GRM8: variants seen among roughly 807,000 people sequenced by gnomAD.
The protein encoded by GRM8 is metabotropic glutamate receptor 8.
In GRM8, 47 loss-of-function variants were observed where a neutral mutation model predicts 87.2. The observed-to-expected ratio is 0.54, with a 90% CI of 0.43 to 0.69. The LOEUF is 0.69. Among genes scored for constraint, GRM8 ranks in the 30% least tolerant of loss-of-function variants. GRM8 has a pLI of 0.00. For missense variants in GRM8, 1,019 were observed against 1,139.2 expected (o/e 0.89, Z 1.52); for synonymous variants, 396 against 404.5 (o/e 0.98, Z 0.25).
intron 7 of GRM8, among the ~76,000 whole-genome samples, chr7:126,667,852 T>C (rs753671239): frequency 9.2e-5 from 14 of 152,190 alleles, no homozygotes; most frequent in Non-Finnish European, 4.4e-5. Flanking sequence ...AGACCAGCAG[T>C]AGCCTCACCA....
At chr7:126,748,922 A>C (rs1015555006) in intron 7 of GRM8, among the ~76,000 whole-genome samples, 1 of 152,096 alleles carries the variant, frequency 6.6e-6, no homozygotes, top group Admixed American at 6.6e-5. Flanking sequence ...TAGAACAATT[A>C]ATATTGATAT....
At chr7:126,638,571 G>C (rs1052849978) in intron 7 of GRM8, among the ~76,000 whole-genome samples, 3 of 152,140 alleles carry the variant, frequency 2.0e-5, no homozygotes, top group Non-Finnish European at 4.4e-5. Context: ...GGGGATGCTG[G>C]GTGGACATGT....
Position 126,446,391 on chromosome 7 carries a change from A to G in GRM8, c.2431-19T>C, listed in dbSNP as rs1299821377. ...TGTACATCTGAGGGAAGAAAAAAAA[A>G]AGAATCACTGTTGGTAAGCCTAACA... On this transcript the variant is annotated intron_variant, in intron 9 of 10. Transcript: ENST00000339582. 6.5e-7 allele frequency: 1 copy of G among 1,548,540 alleles called. No individual in the cohort carries two copies. Among genetic ancestry groups the G allele is most frequent in the Middle Eastern group, 1.9e-4 (1 of 5,300 alleles).
chr7:126,693,100 T>C (rs1258459166), intron 7 of GRM8, among the ~76,000 whole-genome samples: 1 of 152,176 alleles, frequency 6.6e-6, no homozygotes, highest in African/African-American at 2.4e-5. Flanking sequence ...TAACTGGATA[T>C]GTCACCTCCT....
intron 2 of GRM8, among the ~76,000 whole-genome samples, chr7:127,160,992 G>C (rs932288039): frequency 2.0e-5 from 3 of 152,200 alleles, no homozygotes; most frequent in African/African-American, 7.2e-5. Flanking sequence ...GAGAAAGACA[G>C]TCAAGGACGA....
At chr7:127,078,709 T>C (rs1246219687) in intron 3 of GRM8, among the ~76,000 whole-genome samples, 1 of 152,208 alleles carries the variant, frequency 6.6e-6, no homozygotes, top group African/African-American at 2.4e-5. Flanking sequence ...CAGCTTTCAA[T>C]TTGCATTGCA....
chr7:126,528,507 C>T lies in GRM8; in HGVS notation c.2430+4445G>A, dbSNP rs1239247580. 2.6e-5 allele frequency among the ~76,000 whole-genome samples: 4 copies of T among 152,068 alleles called. No individual in the cohort carries two copies. In the East Asian group the frequency reaches 7.7e-4, roughly 29 times the overall value. ...GATGATAGCCAACATTTATTCACTG[C>T]CTATTATGTGCATGAAACACTTTTC... On this transcript the variant is annotated intron_variant, in intron 9 of 10. Coordinates refer to ENST00000339582, the MANE Select transcript of GRM8 (RefSeq NM_000845.3).
At position 126,875,290 on chromosome 7, in the gene GRM8, AC is replaced by A. The variant is rs200636324; in HGVS notation, c.1156+27251del. On this transcript the variant is annotated intron_variant, in intron 6 of 10. Coordinates refer to ENST00000339582, the MANE Select transcript of GRM8 (RefSeq NM_000845.3). Reference sequence around the variant, plus strand: ...AGTAATCAAAGAAGGAAAAAAAAAAACAAACAGAATAAACTGTTAAAGGGCC... The same window carrying A: ...AGTAATCAAAGAAGGAAAAAAAAAAAAAACAGAATAAACTGTTAAAGGGCC... Among the ~76,000 whole-genome samples, 416 of 152,040 alleles carry A rather than the reference AC, an allele frequency of 2.7e-3. 2 individuals carry two copies. Among genetic ancestry groups the A allele is most frequent in the African/African-American group, 9.0e-3 (372 of 41,444 alleles).
At chr7:126,887,030 G>A (rs1450077057) in intron 6 of GRM8, among the ~76,000 whole-genome samples, 1 of 152,070 alleles carries the variant, frequency 6.6e-6, no homozygotes, top group Non-Finnish European at 1.5e-5. Flanking sequence ...ATAAGGGCCA[G>A]GTGGACTAAG....
chr7:126,995,669 G>C (rs1274137367), intron 3 of GRM8, among the ~76,000 whole-genome samples: 2 of 151,880 alleles, frequency 1.3e-5, no homozygotes, highest in African/African-American at 4.8e-5. Flanking sequence ...TGTCAAAGGA[G>C]ACAAAATAAA....
chr7:126,464,235 T>G (rs1028332751), intron 9 of GRM8, among the ~76,000 whole-genome samples: 2 of 151,678 alleles, frequency 1.3e-5, no homozygotes, highest in African/African-American at 4.8e-5. Flanking sequence ...AGTTTTTGTC[T>G]TGAAATCTAT....
At chr7:127,079,691 C>T (rs927626345) in intron 3 of GRM8, among the ~76,000 whole-genome samples, 4 of 152,140 alleles carry the variant, frequency 2.6e-5, no homozygotes, top group African/African-American at 9.6e-5. Context: ...CCCCTTTTTT[C>T]TTCCTCAGGG....
chr7:126,657,045 T>C (rs1804606896), intron 7 of GRM8, among the ~76,000 whole-genome samples: 1 of 152,230 alleles, frequency 6.6e-6, no homozygotes, highest in Non-Finnish European at 1.5e-5. Flanking sequence ...AGTGCTACAA[T>C]GGTTTCTATT....
chr7:127,110,845 C>T (rs1333450066), intron 2 of GRM8, among the ~76,000 whole-genome samples: 2 of 152,248 alleles, frequency 1.3e-5, no homozygotes, highest in African/African-American at 4.8e-5. Flanking sequence ...CAGAGTTCTA[C>T]GTTTATTGGG....
At chr7:126,621,569 C>A (rs1800179034) in intron 7 of GRM8, among the ~76,000 whole-genome samples, 1 of 151,968 alleles carries the variant, frequency 6.6e-6, no homozygotes, top group Admixed American at 6.6e-5. Context: ...CAGGCATGTG[C>A]CACCATGCCT....
At chr7:126,592,709 G>T (rs2151047648) in intron 8 of GRM8, among the ~76,000 whole-genome samples, 1 of 151,882 alleles carries the variant, frequency 6.6e-6, no homozygotes, top group Non-Finnish European at 1.5e-5. Flanking sequence ...AACTCACTGG[G>T]GAAAAGTTGG....
intron 3 of GRM8, among the ~76,000 whole-genome samples, chr7:127,036,776 T>G (rs545899559): frequency 6.6e-6 from 1 of 152,266 alleles, no homozygotes; most frequent in African/African-American, 2.4e-5. Flanking sequence ...CTGGTTTTAG[T>G]ACTAAGGACA....
intron 6 of GRM8, among the ~76,000 whole-genome samples, chr7:126,840,527 A>T (rs1796180466): frequency 6.6e-6 from 1 of 152,210 alleles, no homozygotes; most frequent in East Asian, 1.9e-4. Flanking sequence ...TTGTTATCAT[A>T]ACCACGTGGC....
chr7:127,020,376 C>T (rs778068306), intron 3 of GRM8, among the ~76,000 whole-genome samples: 15 of 152,002 alleles, frequency 9.9e-5, no homozygotes, highest in Non-Finnish European at 1.9e-4. Flanking sequence ...TGATCTCTCA[C>T]ATTCACAGCT....
Sources: gnomAD v4.1 joint callset for allele counts (sites outside exome capture counted in the v4.1 genomes callset) on GRCh38, gnomAD v4.1.1 for gene constraint, MANE v1.5 for transcripts, NCBI Gene and HGNC (gene_info 2026-07-23, HGNC 2026-07-21) for gene names.